Variants in NLRC5 observed in about 807,000 individuals in gnomAD.
NLRC5 encodes protein NLRC5.
A neutral mutation model predicts 206.9 loss-of-function variants in NLRC5; 114 were observed. The observed-to-expected ratio is 0.55, with a 90% confidence interval of 0.47 to 0.64. The LOEUF (loss-of-function observed/expected upper bound fraction) is 0.64. Among genes scored for constraint, NLRC5 ranks in the 30% least tolerant of loss-of-function variants. The pLI, the probability that NLRC5 is intolerant of heterozygous loss-of-function variation, is 0.00. For synonymous variants in NLRC5, 952 were observed against 962.8 expected, an observed-to-expected ratio of 0.99 and a Z score of 0.21; for missense variants, 2,008 against 2,305.5, an observed-to-expected ratio of 0.87 and a Z score of 2.64.
chr16:57,004,103 A>C (rs1470825789), intron 1 of NLRC5: 2 of 152,374 alleles, frequency 1.3e-5, no homozygotes, highest in African/African-American at 2.4e-5. Context: ...AAGGTAGGAA[A>C]AAGAGGAAAG....
At chr16:57,018,875 A>G (rs1001558361) in intron 2 of NLRC5, among the ~76,000 whole-genome samples, 1 of 152,250 alleles carries the variant, frequency 6.6e-6, no homozygotes. Flanking sequence ...TAGTTGGCCA[A>G]TCCCCAACTG....
intron 1 of NLRC5, among the ~76,000 whole-genome samples, chr16:57,009,788 C>G (rs1309290767): frequency 4.6e-5 from 7 of 152,062 alleles, no homozygotes; most frequent in Non-Finnish European, 8.8e-5. Flanking sequence ...GTTCAAACAT[C>G]TTGGTAGTGC....
At chr16:57,018,586 C>T (rs2060329866) in intron 2 of NLRC5, among the ~76,000 whole-genome samples, 1 of 152,144 alleles carries the variant, frequency 6.6e-6, no homozygotes, top group Admixed American at 6.5e-5. Context: ...TACTGCATGC[C>T]CAGGGAGCAG....
intron 1 of NLRC5, among the ~76,000 whole-genome samples, chr16:57,016,012 C>G (rs1345404709): frequency 6.7e-6 from 1 of 149,824 alleles, no homozygotes. Flanking sequence ...GTCAGGAGTT[C>G]AAGACCAGCC....
chr16:57,039,670 T>C (rs947675311), intron 15 of NLRC5, 111 bp from the exon 16 acceptor site: 2 of 930,024 alleles, frequency 2.2e-6, no homozygotes, highest in African/African-American at 1.6e-5. Context: ...TGAGCCATGA[T>C]TGCACCACTG....
Position 57,054,795 on chromosome 16 carries a change from C to T in NLRC5, c.3551C>T (p.Ala1184Val). ...GLSPKSPFLL[A>V]NTLSLCPRVK... ...TCCCCGAAAAGCCCCTTCCTGCTGG[C>T]CAACACCTTAAGCCTGTGTCCACGG... Residue 1184 changes from alanine (A) to valine (V), a missense_variant, in exon 25 of 49, where the codon GCC becomes GTC. Physicochemically the swap from Ala to Val is moderately conservative, Grantham distance 64. Coordinates refer to ENST00000688547, the MANE Select transcript of NLRC5 (RefSeq NM_001384950.1). The T allele has an allele frequency of 2.2e-5, 36 of 1,614,218 alleles. No individual in the cohort carries two copies. Among genetic ancestry groups the T allele is most frequent in the Non-Finnish European group, 3.0e-5 (35 of 1,180,028 alleles).
chr16:57,048,956 G>A lies in NLRC5; in HGVS notation c.3422+1328G>A, dbSNP rs116822922. Among the ~76,000 whole-genome samples the A allele has an allele frequency of 8.1e-3, 1,232 of 152,180 alleles. 14 individuals are homozygous for A. Among genetic ancestry groups the A allele is most frequent in the African/African-American group, 0.028 (1,150 of 41,508 alleles). Reference sequence around the variant, plus strand: ...TTTTAATACTAAATTGCCACAGTACGGGACGAGCTGCAAGTTACTCCACCA... The same window carrying A: ...TTTTAATACTAAATTGCCACAGTACAGGACGAGCTGCAAGTTACTCCACCA... On this transcript the variant is annotated intron_variant, in intron 23 of 48. Coordinates refer to ENST00000688547, the MANE Select transcript of NLRC5 (RefSeq NM_001384950.1).
intron 38 of NLRC5, among the ~76,000 whole-genome samples, chr16:57,071,073 AGT>A (rs2067663348): frequency 1.6e-5 from 1 of 63,352 alleles, no homozygotes; most frequent in African/African-American, 7.8e-5. Flanking sequence ...AATGGGGAAG[AGT>A]TGTGAGTGAG....
intron 23 of NLRC5, among the ~76,000 whole-genome samples, chr16:57,048,643 C>A (rs935420096): frequency 1.3e-5 from 2 of 152,170 alleles, no homozygotes; most frequent in Non-Finnish European, 2.9e-5. Flanking sequence ...AAGCAATTCT[C>A]CTGCCTCAGC....
chr16:56,995,311 T>C (rs903606533), intron 1 of NLRC5, among the ~76,000 whole-genome samples: 7 of 152,178 alleles, frequency 4.6e-5, no homozygotes, highest in Non-Finnish European at 8.8e-5. Flanking sequence ...GGTGGGTTGG[T>C]GTCCCAGCTG....
chr16:57,036,019 G>A lies in NLRC5; in HGVS notation c.2628-81G>A, dbSNP rs1250268257. Reference sequence around the variant, plus strand: ...TCCTGAGAGTGACACTTTGACTAAAGTTAGCAAAGGAGGAGTAAGTGATGG... The same window carrying A: ...TCCTGAGAGTGACACTTTGACTAAAATTAGCAAAGGAGGAGTAAGTGATGG... On this transcript the variant is annotated intron_variant, in intron 13 of 48. Transcript: ENST00000688547. 8.2e-6 allele frequency: 11 copies of A among 1,337,910 alleles called. No individual in the cohort carries two copies. The African/African-American group carries it at 1.0e-4, about 12-fold the overall frequency. The allele number at this position is 1,337,910 out of a possible 1,614,324, so 82.9% of individuals were successfully genotyped here. A position where few individuals can be genotyped will look rare whatever the true frequency, so the allele number is the denominator to read the frequency against.
chr16:57,079,365 C>T, intron 45 of NLRC5, 73 bp downstream of exon 45: 3 of 1,546,204 alleles, frequency 1.9e-6, no homozygotes, highest in South Asian at 1.1e-5. Context: ...CTGAGCCTAA[C>T]ACCTGGGGAG....
intron 38 of NLRC5, among the ~76,000 whole-genome samples, chr16:57,073,365 C>T (rs1464728557): frequency 6.6e-6 from 1 of 152,148 alleles, no homozygotes; most frequent in Non-Finnish European, 1.5e-5. Flanking sequence ...GGCAGTTACC[C>T]TCAAATCCAG....
intron 21 of NLRC5, 45 bp downstream of exon 21, chr16:57,045,537 G>A: frequency 1.3e-6 from 2 of 1,596,182 alleles, no homozygotes; most frequent in Non-Finnish European, 1.7e-6. Context: ...TCCCGCTCTG[G>A]TCCCCGTCTG....
rs561331345 is a variant in NLRC5, at chr16:57,061,546, C to T, written c.4070+15C>T. 6.2e-7 allele frequency: 1 copy of T among 1,609,408 alleles called. No homozygotes were observed. Among genetic ancestry groups the T allele is most frequent in the South Asian group, 1.1e-5 (1 of 91,084 alleles). The stretch of plus-strand genomic sequence containing the variant: ...ACGGAGCTCACGTGAGTGACCCACC[C>T]AGCCCGTGAGGACAGCAGAGGGGTG... On this transcript the variant is annotated intron_variant, in intron 31 of 48. Coordinates refer to ENST00000688547, the MANE Select transcript of NLRC5 (RefSeq NM_001384950.1).
intron 11 of NLRC5, among the ~76,000 whole-genome samples, chr16:57,031,944 T>G (rs1299686972): frequency 2.0e-5 from 3 of 151,910 alleles, no homozygotes; most frequent in Non-Finnish European, 4.4e-5. Context: ...TTGGCCAGTC[T>G]TGGATGGGCT....
chr16:57,023,843 G>C lies in NLRC5; in HGVS notation c.414G>C (p.Lys138Asn). 1 of 1,610,866 alleles carries C rather than the reference G, an allele frequency of 6.2e-7. No homozygotes were observed. The highest frequency in any genetic ancestry group is 1.1e-5 in the South Asian group (1 of 90,310). The change falls in exon 5 of 49, where the codon AAG becomes AAC. Residue 138 changes from lysine (K) to asparagine (N), a missense_variant. By Grantham distance (94) the Lys-to-Asn change is moderately conservative. Coordinates refer to ENST00000688547, the MANE Select transcript of NLRC5 (RefSeq NM_001384950.1). Reference sequence around the variant, plus strand: ...CACCCCGCCGGAAGCAGTGCAAGAAGCAGCAGCTAGGTGGGTACCAGTGTG... The same window carrying C: ...CACCCCGCCGGAAGCAGTGCAAGAACCAGCAGCTAGGTGGGTACCAGTGTG... ...GSSPRRKQCK[K>N]QQLELAKKYL...
chr16:57,044,703 G>A (rs1473361315), intron 20 of NLRC5, among the ~76,000 whole-genome samples: 4 of 151,810 alleles, frequency 2.6e-5, no homozygotes, highest in Non-Finnish European at 4.4e-5. Context: ...AGGATCACCT[G>A]AGCCTAGGAG....
chr16:57,006,411 C>CCTTT (rs747148482), intron 1 of NLRC5, among the ~76,000 whole-genome samples: 1 of 55,722 alleles, frequency 1.8e-5, no homozygotes, highest in Non-Finnish European at 4.0e-5. Flanking sequence ...CATCTTCATC[C>CCTTT]TCTTTTTTTT....
Sources: allele counts gnomAD v4.1 joint callset (sites outside exome capture counted in the v4.1 genomes callset), GRCh38; gene constraint gnomAD v4.1.1; transcripts MANE v1.5; gene names NCBI Gene and HGNC (gene_info 2026-07-23, HGNC 2026-07-21).